The following TNPO2 variants were observed in gnomAD, a reference collection of about 807,000 sequenced individuals.
The protein encoded by TNPO2 is transportin-2.
Under a neutral mutation model 111.1 loss-of-function variants are expected in TNPO2, and 16 were observed. The observed-to-expected ratio is 0.14, with a 90% CI of 0.10 to 0.22. TNPO2 has a LOEUF of 0.22. Ranked by LOEUF, TNPO2 falls within the 10% of genes least tolerant of loss-of-function variation. The pLI is 1.00. For synonymous variants in TNPO2, 481 were observed against 475.8 expected, an observed-to-expected ratio of 1.01 and a Z score of -0.14; for missense variants, 530 against 1,173.7, an observed-to-expected ratio of 0.45 and a Z score of 8.01.
chr19:12,703,698 A>G lies in TNPO2; in HGVS notation c.2110+16T>C. On this transcript the variant is annotated intron_variant, in intron 19 of 25. Transcript: ENST00000425528. ...GGGGCTGGGGTCATGGGTTAGGGAC[A>G]AGGCGAGTGTCGTACCGATACAGGG... The G allele has an allele frequency of 6.2e-7, 1 of 1,606,074 alleles. No homozygotes were observed. The highest frequency in any genetic ancestry group is 8.5e-7 in the Non-Finnish European group (1 of 1,176,086).
At position 12,719,236 on chromosome 19, in the gene TNPO2, G is replaced by T. The variant is rs577053578; in HGVS notation, c.175+25C>A. The T allele has an allele frequency of 1.2e-6, 2 of 1,613,908 alleles. No individual in the cohort carries two copies. The highest frequency in any genetic ancestry group is 2.2e-5 in the East Asian group (1 of 44,884). ...AGGGGGAGAAAGCAGGGTCCCGATC[G>T]CATGGAAGGGAGCAGAGGGCGTACC... On this transcript the variant is annotated intron_variant, in intron 4 of 25. Transcript: ENST00000425528. This position sits in a 1 kb window ranked among gnomAD's most constrained non-coding sequence, Gnocchi z 5.0.
Position 12,721,050 on chromosome 19 carries a change from T to C in TNPO2, c.-13-60A>G. The C allele has an allele frequency of 6.5e-7, 1 of 1,534,268 alleles. No homozygotes were observed. The highest frequency in any genetic ancestry group is 8.7e-7 in the Non-Finnish European group (1 of 1,145,572). On this transcript the variant is annotated intron_variant, in intron 2 of 25. Coordinates refer to ENST00000425528, the MANE Select transcript of TNPO2 (RefSeq NM_001382241.1). The surrounding 1 kb of genome is among the most constrained non-coding windows in gnomAD (Gnocchi z 4.9). ...TCTGGGGCTCCGTGTGAGACCCAGG[T>C]GGAGCCCCTGAGGCCGCGGTGGCCG...
intron 20 of TNPO2, among the ~76,000 whole-genome samples, 167 bp downstream of exon 20, chr19:12,703,261 C>T (rs2025435166): frequency 6.6e-6 from 1 of 152,232 alleles, no homozygotes; most frequent in African/African-American, 2.4e-5. Context: ...CCTCCTATCC[C>T]TCCTCTTTAG....
In TNPO2 at chr19:12,703,796, C is replaced by T. The variant is rs1429371325; in HGVS notation, c.2028G>A (p.Ser676=). The change falls in exon 19 of 26, where the codon TCG becomes TCA. Residue 676 remains serine (S), a synonymous_variant. Coordinates refer to ENST00000425528, the MANE Select transcript of TNPO2 (RefSeq NM_001382241.1). ...MTLLFQCMQD[S]MPEVRQSSFA... ...AGGAGCTCTGCCGGACCTCAGGCAT[C>T]GAGTCCTGGGGATTCAAGTAAGATC... 3.8e-6 allele frequency: 6 copies of T among 1,584,316 alleles called. No individual in the cohort carries two copies. The highest frequency in any genetic ancestry group is 5.1e-6 in the Non-Finnish European group (6 of 1,165,286).
intron 20 of TNPO2, 39 bp downstream of exon 20, chr19:12,703,389 C>G (rs777424417): frequency 1.1e-5 from 17 of 1,583,266 alleles, no homozygotes; most frequent in Admixed American, 6.7e-5. Context: ...TGAGAACAGG[C>G]TAATGGGGGG....
Position 12,701,845 on chromosome 19 carries a change from C to A in TNPO2, c.2418G>T (p.Thr806=), listed in dbSNP as rs1371092952. ...CGTTGTCCCTGATGTTCCTGAGGGA[C>A]GTGCACCTGTGGGAAGGTGAGCAGC... is the stretch of plus-strand genomic sequence containing the variant. ...MLQQFIRPWC[T]SLRNIRDNEE... Residue 806 remains threonine (T), a synonymous_variant, in exon 23 of 26, where the codon ACG becomes ACT. Coordinates refer to ENST00000425528, the MANE Select transcript of TNPO2 (RefSeq NM_001382241.1). This position sits in a 1 kb window ranked among gnomAD's most constrained non-coding sequence, Gnocchi z 5.0. 1 of 1,613,042 alleles carries A rather than the reference C, an allele frequency of 6.2e-7. No individual in the cohort carries two copies. The highest frequency in any genetic ancestry group is 8.5e-7 in the Non-Finnish European group (1 of 1,179,662).
chr19:12,701,741 G>C lies in TNPO2; in HGVS notation c.2511+11C>G, dbSNP rs373638119. 2.1e-4 allele frequency: 338 copies of C among 1,613,476 alleles called. No homozygotes were observed. The highest frequency in any genetic ancestry group is 2.8e-4 in the Non-Finnish European group (325 of 1,179,652). On this transcript the variant is annotated intron_variant, in intron 23 of 25. Transcript: ENST00000425528. The surrounding 1 kb of genome is among the most constrained non-coding windows in gnomAD (Gnocchi z 5.0). ...CGCCCGCGCCTGCCCTCAGAGCCCAGCTGCCCCAACCTGCACAACGCCCCC... is the reference window on the plus strand; with the variant it reads ...CGCCCGCGCCTGCCCTCAGAGCCCACCTGCCCCAACCTGCACAACGCCCCC...
chr19:12,701,734 G>A lies in TNPO2; in HGVS notation c.2511+18C>T, dbSNP rs1175252417. ...AGCCCAGCGCCCGCGCCTGCCCTCA[G>A]AGCCCAGCTGCCCCAACCTGCACAA... On this transcript the variant is annotated intron_variant, in intron 23 of 25. Coordinates refer to ENST00000425528, the MANE Select transcript of TNPO2 (RefSeq NM_001382241.1). This position sits in a 1 kb window ranked among gnomAD's most constrained non-coding sequence, Gnocchi z 5.0. 6.2e-7 allele frequency: 1 copy of A among 1,613,432 alleles called. No individual in the cohort carries two copies. The highest frequency in any genetic ancestry group is 1.3e-5 in the African/African-American group (1 of 74,912).
chr19:12,717,020 G>A (rs1436768921), intron 5 of TNPO2, among the ~76,000 whole-genome samples: 1 of 152,088 alleles, frequency 6.6e-6, no homozygotes, highest in South Asian at 2.1e-4. Context: ...GCACATATCT[G>A]GTGACAGAGC....
In TNPO2 at chr19:12,706,027, G is replaced by T. The variant is rs1327104107; in HGVS notation, c.1668+169C>A. 2.6e-6 allele frequency: 2 copies of T among 774,540 alleles called. No individual in the cohort carries two copies. The highest frequency in any genetic ancestry group is 1.8e-5 in the African/African-American group (1 of 57,120). The allele number at this position is 774,540 out of a possible 1,614,324, so 48.0% of individuals were successfully genotyped here. A position where few individuals can be genotyped will look rare whatever the true frequency, so the allele number is the denominator to read the frequency against. On this transcript the variant is annotated intron_variant, in intron 15 of 25. Coordinates refer to ENST00000425528, the MANE Select transcript of TNPO2 (RefSeq NM_001382241.1). The surrounding 1 kb of genome is among the most constrained non-coding windows in gnomAD (Gnocchi z 7.0). ...GCACTTACCACGCTGTCTCATAACT[G>T]TCTTTCTCCCCCACTAGACTGGGAG...
chr19:12,720,791 G>C, intron 3 of TNPO2, 88 bp downstream of exon 3: 1 of 1,464,006 alleles, frequency 6.8e-7, no homozygotes, highest in African/African-American at 1.4e-5. Flanking sequence ...GGGGACTAGG[G>C]GAGTCAGTCC....
At chr19:12,709,642 GT>G (rs78853226) in intron 13 of TNPO2, among the ~76,000 whole-genome samples, 14,158 of 122,892 alleles carry the variant, frequency 0.12, 1,813 homozygotes, top group African/African-American at 0.36. Flanking sequence ...ATTTTATCAG[GT>G]TTTTTTTTTT....
Position 12,702,661 on chromosome 19 carries a change from G to A in TNPO2, c.2305+162C>T, listed in dbSNP as rs185080618. 7.2e-5 allele frequency among the ~76,000 whole-genome samples: 11 copies of A among 152,276 alleles called. No individual in the cohort carries two copies. Among genetic ancestry groups the A allele is most frequent in the African/African-American group, 2.6e-4 (11 of 41,566 alleles). The stretch of plus-strand genomic sequence containing the variant: ...GCATGAGCCACTGCACCCAGCCTGA[G>A]GCTGCATCTTTCTTGGGGCTTCTCC... On this transcript the variant is annotated intron_variant, in intron 21 of 25. Transcript: ENST00000425528. The surrounding 1 kb of genome is among the most constrained non-coding windows in gnomAD (Gnocchi z 5.5).
rs371657330 is a variant in TNPO2 at position 12,703,850 on chromosome 19, C to G, written c.2023-49G>C. 2.9e-4 allele frequency: 430 copies of G among 1,475,506 alleles called. 2 individuals carry two copies. The highest frequency in any genetic ancestry group is 3.7e-4 in the Non-Finnish European group (403 of 1,087,220). 91.4% of individuals were successfully genotyped at this position (1,475,506 alleles called of 1,614,324 possible). ...GTGGCTAGGCTCCCCTCCTTCTAAC[C>G]AGGACAGCTCAGGGGGCACAGTCCC... is the stretch of plus-strand genomic sequence containing the variant. On this transcript the variant is annotated intron_variant, in intron 18 of 25. Coordinates refer to ENST00000425528, the MANE Select transcript of TNPO2 (RefSeq NM_001382241.1).
At chr19:12,716,969 C>T (rs1379135130) in intron 5 of TNPO2, among the ~76,000 whole-genome samples, 1 of 152,022 alleles carries the variant, frequency 6.6e-6, no homozygotes, top group Non-Finnish European at 1.5e-5. Context: ...ATTAGATATC[C>T]AGGAGTTACA....
At position 12,709,838 on chromosome 19, in the gene TNPO2, C is replaced by T. The variant is rs546415432; in HGVS notation, c.1270+783G>A. On this transcript the variant is annotated intron_variant, in intron 13 of 25. Transcript: ENST00000425528. ...TTCCCTATGTTGCCCAGGCTGGTCT[C>T]GGACTCCTGGGCTAAAGCAGTTGTC... 8.5e-5 allele frequency among the ~76,000 whole-genome samples: 13 copies of T among 152,088 alleles called. No homozygotes were observed. The South Asian group carries it at 2.5e-3, about 29-fold the overall frequency.
chr19:12,716,431 G>T (rs989466517), intron 5 of TNPO2, among the ~76,000 whole-genome samples: 6 of 152,124 alleles, frequency 3.9e-5, no homozygotes, highest in African/African-American at 1.4e-4. Flanking sequence ...TTCGAAACCA[G>T]CCTGGCCAAC....
chr19:12,700,389 GA>G lies in TNPO2; in HGVS notation c.*874del. The stretch of plus-strand genomic sequence containing the variant: ...TCTGGCTACACCCAGCTCTCTTCAG[GA>G]AAAAGGTCCCAACCCAGTGTCTTCA... On this transcript the variant is annotated 3_prime_UTR_variant, in exon 26 of 26. Transcript: ENST00000425528. 1 of 152,278 alleles carries G rather than the reference GA, an allele frequency of 6.6e-6. No individual in the cohort carries two copies. The highest frequency in any genetic ancestry group is 1.5e-5 in the Non-Finnish European group (1 of 68,060). The allele number at this position is 152,278 out of a possible 1,614,324, so 9.4% of individuals were successfully genotyped here.
Position 12,721,168 on chromosome 19 carries a change from C to A in TNPO2, c.-13-178G>T. On this transcript the variant is annotated intron_variant, in intron 2 of 25. Transcript: ENST00000425528. This position sits in a 1 kb window ranked among gnomAD's most constrained non-coding sequence, Gnocchi z 4.9. ...TCCCCGCCAGCTGCGCCATCCTCGG[C>A]CGCGCAGTCGCGGGCTCGGGAGCGC... The A allele has an allele frequency of 7.1e-7, 1 of 1,406,498 alleles. No individual in the cohort carries two copies. Among genetic ancestry groups the A allele is most frequent in the Non-Finnish European group, 9.2e-7 (1 of 1,088,242 alleles). 87.1% of individuals were successfully genotyped at this position (1,406,498 alleles called of 1,614,324 possible).
Sources: gnomAD v4.1 joint callset for allele counts (sites outside exome capture counted in the v4.1 genomes callset) on GRCh38, gnomAD v4.1.1 for gene constraint, Gnocchi (gnomAD v3.1) non-coding constraint, MANE v1.5 for transcripts, NCBI Gene and HGNC (gene_info 2026-07-23, HGNC 2026-07-21) for gene names.